Variants in REEP1 observed in about 807,000 individuals in gnomAD.
The protein encoded by REEP1 is receptor expression-enhancing protein 1.
In REEP1, 22 loss-of-function variants were observed where a neutral mutation model predicts 40.3. The observed-to-expected ratio is 0.55, with a 90% CI of 0.39 to 0.78. The LOEUF is 0.78. Among genes scored for constraint, REEP1 ranks in the 30% least tolerant of loss-of-function variants. The pLI, the probability that REEP1 is intolerant of heterozygous loss-of-function variation, is 0.00. For synonymous variants in REEP1, 116 were observed against 139.2 expected (o/e 0.83, Z 1.17); for missense variants, 280 against 361.1 (o/e 0.78, Z 1.82).
intron 1 of REEP1, among the ~76,000 whole-genome samples, chr2:86,326,217 C>G (rs995035398): frequency 1.3e-5 from 2 of 152,164 alleles, no homozygotes; most frequent in African/African-American, 4.8e-5. Context: ...GGAATCAGAA[C>G]TTATTCATCT....
At chr2:86,297,614 A>T in intron 1 of REEP1, 1 of 777,892 alleles carries the variant, frequency 1.3e-6, no homozygotes, top group Non-Finnish European at 1.6e-6. Flanking sequence ...AAGAACAGCC[A>T]CTACCTGCAA....
intron 1 of REEP1, among the ~76,000 whole-genome samples, chr2:86,315,586 T>G: frequency 6.6e-6 from 1 of 152,072 alleles, no homozygotes; most frequent in East Asian, 1.9e-4. Flanking sequence ...ACCTGCTGAG[T>G]GAATAAAGAA....
chr2:86,279,259 C>T (rs1558909934), intron 2 of REEP1, among the ~76,000 whole-genome samples: 3 of 152,094 alleles, frequency 2.0e-5, no homozygotes, highest in South Asian at 4.2e-4. Flanking sequence ...GCGCTGAAGA[C>T]GTGTAGAGAA....
intron 5 of REEP1, among the ~76,000 whole-genome samples, chr2:86,236,935 C>T (rs990604193): frequency 2.0e-5 from 3 of 152,280 alleles, no homozygotes; most frequent in South Asian, 2.1e-4. Context: ...GGGGTTTCAC[C>T]GTGTTAGCCA....
intron 1 of REEP1, among the ~76,000 whole-genome samples, chr2:86,316,548 CAAAAA>C (rs58561932): frequency 4.3e-5 from 3 of 70,454 alleles, no homozygotes; most frequent in African/African-American, 5.9e-5. Flanking sequence ...AACTCTGTCT[CAAAAA>C]AAAAAAAAAA....
intron 1 of REEP1, among the ~76,000 whole-genome samples, chr2:86,288,781 T>C (rs952265189): frequency 9.5e-6 from 1 of 105,622 alleles, no homozygotes; most frequent in Non-Finnish European, 2.0e-5. Context: ...ATAGTCAGAC[T>C]GTTAGATTTT....
rs58647410 is a variant in REEP1 at position 86,257,636 on chromosome 2, C to CT, written c.183-2823dup. ...CCACAGGGATAGCTACCTCACTCAT[C>CT]TTTTTTTTTTTTTTTTTTGAGACAG... is the stretch of plus-strand genomic sequence containing the variant. On this transcript the variant is annotated intron_variant, in intron 3 of 8. Transcript: ENST00000538924. Among the ~76,000 whole-genome samples the CT allele has an allele frequency of 1.7e-3, 228 of 133,766 alleles. 5 individuals are homozygous for CT. The highest frequency in any genetic ancestry group is 7.3e-3 in the East Asian group (34 of 4,688). The allele number at this position is 133,766 out of a possible 152,430, so 87.8% of individuals were successfully genotyped here. A position where few individuals can be genotyped will look rare whatever the true frequency, so the allele number is the denominator to read the frequency against.
intron 1 of REEP1, among the ~76,000 whole-genome samples, chr2:86,314,876 A>G (rs1016790098): frequency 9.2e-5 from 14 of 151,374 alleles, no homozygotes; most frequent in African/African-American, 2.9e-4. Context: ...TATTTTTTCT[A>G]GAGATGAGGT....
Position 86,310,998 on chromosome 2 carries a change from G to A in REEP1, c.32+26481C>T, listed in dbSNP as rs1289015213. 3.9e-5 allele frequency among the ~76,000 whole-genome samples: 6 copies of A among 152,154 alleles called. 1 individual carries two copies. The South Asian group carries it at 1.2e-3, about 32-fold the overall frequency. ...GTGGCAGAACAAAGAATCTACTTCA[G>A]TCTAGAAGGGTCTAGGGAAGAAAAA... is the stretch of plus-strand genomic sequence containing the variant. On this transcript the variant is annotated intron_variant, in intron 1 of 8. Transcript: ENST00000538924.
intron 5 of REEP1, among the ~76,000 whole-genome samples, chr2:86,246,436 A>T (rs925771934): frequency 1.3e-5 from 2 of 152,204 alleles, no homozygotes; most frequent in Non-Finnish European, 2.9e-5. Context: ...CAATAGGTGG[A>T]CTATAGTAAT....
At chr2:86,253,968 A>T (rs1676415279) in intron 4 of REEP1, among the ~76,000 whole-genome samples, 1 of 152,248 alleles carries the variant, frequency 6.6e-6, no homozygotes, top group Non-Finnish European at 1.5e-5. Context: ...AAGACAATTA[A>T]AGGAAGCAAC....
chr2:86,245,983 C>T (rs997684486), intron 5 of REEP1, among the ~76,000 whole-genome samples: 1 of 152,098 alleles, frequency 6.6e-6, no homozygotes, highest in Admixed American at 6.6e-5. Context: ...CCAGGATGGT[C>T]TCGATCTCCT....
chr2:86,237,333 C>T (rs771825612), intron 5 of REEP1, among the ~76,000 whole-genome samples: 8 of 152,100 alleles, frequency 5.3e-5, no homozygotes, highest in African/African-American at 1.4e-4. Flanking sequence ...AACAACAGCT[C>T]GACATCACCC....
intron 5 of REEP1, among the ~76,000 whole-genome samples, chr2:86,237,504 T>C (rs964684139): frequency 3.9e-5 from 6 of 152,268 alleles, no homozygotes; most frequent in African/African-American, 1.4e-4. Flanking sequence ...TTTCTTTCTC[T>C]CTTTTTGTTT....
intron 1 of REEP1, among the ~76,000 whole-genome samples, chr2:86,309,666 G>A (rs978314034): frequency 1.3e-5 from 2 of 152,182 alleles, no homozygotes; most frequent in African/African-American, 2.4e-5. Context: ...CAGACAGCCA[G>A]CTTTTGGCTG....
At chr2:86,228,480 C>CAG (rs1674841025) in intron 6 of REEP1, among the ~76,000 whole-genome samples, 1 of 146,694 alleles carries the variant, frequency 6.8e-6, no homozygotes, top group Non-Finnish European at 1.5e-5. Context: ...TTTAATGAGA[C>CAG]AGAGTTTCAC....
intron 5 of REEP1, among the ~76,000 whole-genome samples, chr2:86,240,758 A>G (rs1675626481): frequency 6.6e-6 from 1 of 152,220 alleles, no homozygotes; most frequent in Admixed American, 6.5e-5. Context: ...AACATCCTAG[A>G]TATGCCACGT....
intron 1 of REEP1, among the ~76,000 whole-genome samples, chr2:86,295,393 G>C (rs1678929464): frequency 6.6e-5 from 10 of 152,234 alleles, no homozygotes; most frequent in Admixed American, 6.5e-4. Context: ...GTGTAAGGAA[G>C]GTGAGGTCCT....
At chr2:86,283,784 A>G (rs79655579) in intron 1 of REEP1, among the ~76,000 whole-genome samples, 2,969 of 152,274 alleles carry the variant, frequency 0.019, 92 homozygotes, top group African/African-American at 0.068. Flanking sequence ...ACAGGACTCC[A>G]ATGCACGGAG....
Sources: allele counts gnomAD v4.1 joint callset (sites outside exome capture counted in the v4.1 genomes callset), GRCh38; gene constraint gnomAD v4.1.1; transcripts MANE v1.5; gene names NCBI Gene and HGNC (gene_info 2026-07-23, HGNC 2026-07-21).